The following PYY variants were observed in gnomAD, a reference collection of about 807,000 sequenced individuals.
PYY encodes peptide YY, also known as peptide tyrosine tyrosine.
A neutral mutation model predicts 10.3 loss-of-function variants in PYY; 12 were observed. The observed-to-expected ratio is 1.17, with a 90% CI of 0.75 to 1.89. PYY has a LOEUF of 1.89. Ranked by LOEUF, PYY falls within the 40% of genes most tolerant of loss-of-function variation. PYY has a pLI of 0.00. For missense variants in PYY, 141 were observed against 134.0 expected (o/e 1.05, Z -0.26); for synonymous variants, 66 against 62.0 (o/e 1.06, Z -0.30).
At chr17:43,958,138 A>AAAAAAAAAAAAAAAAAAAT (rs1318158053), upstream of PYY, 1 of 145,386 alleles carries the variant, frequency 6.9e-6, no homozygotes, top group Non-Finnish European at 1.5e-5. Flanking sequence ...AATACACCAA[A>AAAAAAAAAAAAAAAAAAAT]AAAAAAAAAA....
At chr17:43,962,626 A>G (rs1313323616) in intron 2 of PYY, among the ~76,000 whole-genome samples, 1 of 152,214 alleles carries the variant, frequency 6.6e-6, no homozygotes, top group African/African-American at 2.4e-5. Context: ...TCACGTTGGA[A>G]GTGCCTGGGG....
In PYY at chr17:43,959,874, A is replaced by G. The variant is rs2048699707; in HGVS notation, c.-217-1846T>C. On this transcript the variant is annotated intron_variant, in intron 2 of 6. Coordinates refer to the PYY transcript ENST00000360085. The stretch of plus-strand genomic sequence containing the variant: ...CTCAAGAGGCCTGTGCTGCAGGTGC[A>G]GAAACTCAAGTCCTGAAAGAGGTAT... Among the ~76,000 whole-genome samples the G allele has an allele frequency of 2.6e-5, 4 of 152,224 alleles. No homozygotes were observed. The South Asian group carries it at 8.3e-4, about 32-fold the overall frequency.
intron 1 of PYY, among the ~76,000 whole-genome samples, chr17:43,994,969 G>A (rs951470022): frequency 6.6e-6 from 1 of 152,134 alleles, no homozygotes; most frequent in Non-Finnish European, 1.5e-5. Flanking sequence ...ACCTCGGGAG[G>A]ATCCCTTCAC....
upstream of PYY, among the ~76,000 whole-genome samples, chr17:43,956,419 C>CCA (rs1263000628): frequency 1.7e-5 from 2 of 114,698 alleles, no homozygotes; most frequent in East Asian, 1.8e-3. Context: ...GGCTCAGCCA[C>CCA]CCCCCGATCC....
chr17:43,955,984 G>T (rs1467323356), upstream of PYY, among the ~76,000 whole-genome samples: 4 of 152,046 alleles, frequency 2.6e-5, no homozygotes, highest in Non-Finnish European at 5.9e-5. Context: ...CATGGTGCTG[G>T]TAGGGGATTT....
At chr17:43,989,261 C>T (rs1044094052) in intron 1 of PYY, among the ~76,000 whole-genome samples, 44 of 152,032 alleles carry the variant, frequency 2.9e-4, no homozygotes, top group Non-Finnish European at 5.6e-4. Flanking sequence ...GTAGTCCCAG[C>T]TACTCGGGAG....
chr17:43,960,936 G>GT (rs2048708605), intron 2 of PYY, among the ~76,000 whole-genome samples: 1 of 151,452 alleles, frequency 6.6e-6, no homozygotes, highest in South Asian at 2.1e-4. Flanking sequence ...GTTTGGTATG[G>GT]TAGAGGTCAG....
chr17:43,990,117 G>A (rs2048946412), intron 1 of PYY, among the ~76,000 whole-genome samples: 1 of 151,526 alleles, frequency 6.6e-6, no homozygotes, highest in Admixed American at 6.6e-5. Context: ...TGGCTGGTGA[G>A]AGTGTACACT....
At chr17:44,003,013 A>G (rs1555620177) in intron 1 of PYY, among the ~76,000 whole-genome samples, 1 of 152,068 alleles carries the variant, frequency 6.6e-6, no homozygotes, top group Non-Finnish European at 1.5e-5. Context: ...CTCTCACTTG[A>G]TTCTTTTTTA....
chr17:43,961,934 T>C (rs1443016595), intron 2 of PYY, among the ~76,000 whole-genome samples: 3 of 152,100 alleles, frequency 2.0e-5, no homozygotes, highest in African/African-American at 7.2e-5. Flanking sequence ...TCAGCATGCA[T>C]CCTCCTCCTC....
intron 1 of PYY, among the ~76,000 whole-genome samples, chr17:44,003,531 T>C (rs981164244): frequency 2.0e-5 from 3 of 151,910 alleles, no homozygotes; most frequent in Non-Finnish European, 4.4e-5. Flanking sequence ...GGTGTCTGCC[T>C]GTAATCCCTG....
At chr17:43,970,505 TAAA>T (rs74436025) in intron 1 of PYY, among the ~76,000 whole-genome samples, 3 of 132,580 alleles carry the variant, frequency 2.3e-5, no homozygotes, top group African/African-American at 2.8e-5. Flanking sequence ...AGACCCTGTC[TAAA>T]AAAAAAAAAA....
intron 1 of PYY, among the ~76,000 whole-genome samples, chr17:43,966,825 G>A (rs1049263803): frequency 6.6e-6 from 1 of 152,176 alleles, no homozygotes; most frequent in African/African-American, 2.4e-5. Flanking sequence ...GTGATACATG[G>A]TGGTGGCTCA....
intron 1 of PYY, among the ~76,000 whole-genome samples, chr17:43,988,831 C>T (rs1285811197): frequency 1.3e-5 from 2 of 149,038 alleles, no homozygotes; most frequent in East Asian, 2.0e-4. Context: ...GGCAAAATCT[C>T]GGCTCATTGC....
chr17:43,976,432 C>T (rs376828658), intron 1 of PYY, among the ~76,000 whole-genome samples: 6 of 114,844 alleles, frequency 5.2e-5, no homozygotes, highest in African/African-American at 1.6e-4. Flanking sequence ...TACATATATA[C>T]ACATATACAT....
chr17:43,953,058 GGGCCA>G, intron 3 of PYY, 46 bp downstream of exon 3: 1 of 1,606,708 alleles, frequency 6.2e-7, no homozygotes, highest in South Asian at 1.1e-5. Context: ...TGCCAGGGTA[GGGCCA>G]GGCCGCGCTC....
In PYY at chr17:44,000,567, CT is replaced by C. The variant is rs398041714; in HGVS notation, c.-463+3823del. Among the ~76,000 whole-genome samples the C allele has an allele frequency of 3.1e-3, 392 of 127,968 alleles. 2 individuals carry two copies. Among genetic ancestry groups the C allele is most frequent in the African/African-American group, 9.4e-3 (316 of 33,628 alleles). 84.0% of individuals were successfully genotyped at this position (127,968 alleles called of 152,430 possible). On this transcript the variant is annotated intron_variant, in intron 1 of 6. Coordinates refer to the PYY transcript ENST00000360085. ...ATGCCTGAGAATGCCTAAGTGTGCA[CT>C]TTTTTTTTTTTTTTTTGAGACTGAG... is the stretch of plus-strand genomic sequence containing the variant.
Position 43,953,123 on chromosome 17 carries a change from G to A in PYY, c.255C>T (p.Arg85=), listed in dbSNP as rs753380557. Reference sequence around the variant, plus strand: ...GGCGCTTTTACCGCGACCTGACGGGGCGGTCCTCGCCGTCGGGGAAGAACG... The same window carrying A: ...GGCGCTTTTACCGCGACCTGACGGGACGGTCCTCGCCGTCGGGGAAGAACG... ...SKTFFPDGED[R]PVRSRSEGPD... Residue 85 remains arginine (R), a synonymous_variant, in exon 3 of 4, where the codon CGC becomes CGT. Coordinates refer to ENST00000692052, the MANE Select transcript of PYY (RefSeq NM_001394028.1). 1.9e-6 allele frequency: 3 copies of A among 1,614,076 alleles called. No homozygotes were observed. The highest frequency in any genetic ancestry group is 2.2e-5 in the South Asian group (2 of 91,084).
intron 1 of PYY, among the ~76,000 whole-genome samples, chr17:44,003,838 A>T (rs2631308): frequency 0.75 from 113,430 of 151,178 alleles, 43,783 homozygotes; most frequent in Middle Eastern, 0.86. Context: ...ATTTTTTTTT[A>T]AATCAGCTGG....
Sources: allele counts gnomAD v4.1 joint callset (sites outside exome capture counted in the v4.1 genomes callset), GRCh38; gene constraint gnomAD v4.1.1; transcripts MANE v1.5; gene names NCBI Gene and HGNC (gene_info 2026-07-23, HGNC 2026-07-21).